PTPRT: variants seen among roughly 807,000 people sequenced by gnomAD.
The protein encoded by PTPRT is protein tyrosine phosphatase receptor type T.
Under a neutral mutation model 176.8 loss-of-function variants are expected in PTPRT, and 56 were observed. The ratio of observed to expected loss-of-function variants is 0.32; its 90% CI spans 0.26 to 0.40. The LOEUF (loss-of-function observed/expected upper bound fraction) is 0.40. Among genes scored for constraint, PTPRT ranks in the 10% least tolerant of loss-of-function variants. The pLI is 1.00. For synonymous variants in PTPRT, 783 were observed against 739.0 expected (o/e 1.06, Z -0.96); for missense variants, 1,540 against 1,908.2 (o/e 0.81, Z 3.60).
intron 4 of PTPRT, among the ~76,000 whole-genome samples, chr20:42,772,987 C>T (rs79949787): frequency 0.029 from 4,447 of 152,220 alleles, 129 homozygotes; most frequent in African/African-American, 0.078. Flanking sequence ...AAGACAGAAA[C>T]AAAATTCAAT....
intron 21 of PTPRT, among the ~76,000 whole-genome samples, chr20:42,117,106 T>C (rs1040789610): frequency 6.6e-6 from 1 of 152,158 alleles, no homozygotes; most frequent in East Asian, 1.9e-4. Context: ...TTTAGGTCTG[T>C]TTCCTCATCT....
chr20:42,358,153 T>A (rs1167623193), intron 9 of PTPRT, among the ~76,000 whole-genome samples: 1 of 150,596 alleles, frequency 6.6e-6, no homozygotes, highest in Non-Finnish European at 1.5e-5. Flanking sequence ...TTTTAATAAA[T>A]ATACCATGGC....
chr20:42,272,748 T>C (rs1046100069), intron 13 of PTPRT, among the ~76,000 whole-genome samples: 4 of 144,490 alleles, frequency 2.8e-5, no homozygotes, highest in Non-Finnish European at 4.6e-5. Flanking sequence ...CACACACACA[T>C]ACAGTGGGGC....
intron 15 of PTPRT, among the ~76,000 whole-genome samples, chr20:42,210,049 C>T (rs1406601114): frequency 1.3e-5 from 2 of 152,170 alleles, no homozygotes; most frequent in African/African-American, 4.8e-5. Context: ...ACAAAAACCA[C>T]ATGATTATTT....
intron 7 of PTPRT, among the ~76,000 whole-genome samples, chr20:42,475,586 G>A (rs1425194151): frequency 6.6e-6 from 1 of 152,210 alleles, no homozygotes; most frequent in Non-Finnish European, 1.5e-5. Context: ...GCCTTCATCA[G>A]AAGTCTGGGG....
At chr20:42,847,983 C>G (rs2078404709) in intron 2 of PTPRT, among the ~76,000 whole-genome samples, 1 of 152,086 alleles carries the variant, frequency 6.6e-6, no homozygotes, top group Non-Finnish European at 1.5e-5. Flanking sequence ...TCCCTCACCC[C>G]CCTCCCACCC....
At chr20:42,050,206 C>T in the PTPRT span, among the ~76,000 whole-genome samples, 3 of 152,090 alleles carry the variant, frequency 2.0e-5, no homozygotes, top group East Asian at 1.9e-4. Context: ...TCGTGGTCTC[C>T]GTAGGATGCA....
At chr20:42,068,835 A>T (rs1982194423), downstream of PTPRT, among the ~76,000 whole-genome samples, 1 of 152,182 alleles carries the variant, frequency 6.6e-6, no homozygotes, top group Admixed American at 6.5e-5. Flanking sequence ...GTGGGATGGG[A>T]TGGAGTCAGT....
At chr20:43,030,514 A>G (rs1429894942) in intron 1 of PTPRT, among the ~76,000 whole-genome samples, 1 of 152,236 alleles carries the variant, frequency 6.6e-6, no homozygotes, top group Non-Finnish European at 1.5e-5. Context: ...ACAAAAAAAA[A>G]AAAAAATGGC....
At chr20:42,589,203 T>C (rs370714573) in intron 7 of PTPRT, among the ~76,000 whole-genome samples, 2 of 152,276 alleles carry the variant, frequency 1.3e-5, no homozygotes, top group African/African-American at 4.8e-5. Context: ...ATCAGACTGG[T>C]TGGCACTCAA....
intron 1 of PTPRT, among the ~76,000 whole-genome samples, chr20:43,002,398 A>G (rs913177378): frequency 1.3e-5 from 2 of 152,222 alleles, no homozygotes; most frequent in African/African-American, 4.8e-5. Flanking sequence ...ATTAAAATCG[A>G]TATAAAAGCT....
intron 2 of PTPRT, among the ~76,000 whole-genome samples, chr20:42,882,819 A>G (rs1274277637): frequency 6.6e-6 from 1 of 152,254 alleles, no homozygotes; most frequent in Non-Finnish European, 1.5e-5. Flanking sequence ...TACTAAGGAC[A>G]AGTGCAAGGT....
chr20:43,181,417 A>G (rs982181800), intron 1 of PTPRT, among the ~76,000 whole-genome samples: 4 of 152,166 alleles, frequency 2.6e-5, no homozygotes, highest in Admixed American at 6.5e-5. Context: ...CAAGAAAGAA[A>G]CATGGACAGC....
intron 9 of PTPRT, among the ~76,000 whole-genome samples, chr20:42,446,850 G>A (rs2070742006): frequency 6.6e-6 from 1 of 152,108 alleles, no homozygotes; most frequent in South Asian, 2.1e-4. Flanking sequence ...GATGGGGATG[G>A]ATGTCTGTTT....
At chr20:42,486,079 G>T (rs982713628) in intron 7 of PTPRT, among the ~76,000 whole-genome samples, 5 of 152,166 alleles carry the variant, frequency 3.3e-5, no homozygotes, top group African/African-American at 1.2e-4. Flanking sequence ...ACTCACTTGC[G>T]AAGTACCTGC....
intron 7 of PTPRT, among the ~76,000 whole-genome samples, chr20:42,663,728 G>T (rs752757737): frequency 5.9e-5 from 9 of 152,138 alleles, no homozygotes; most frequent in Admixed American, 1.3e-4. Context: ...TCGTGGTTTT[G>T]TAGGCTCTTT....
At chr20:42,364,443 C>T (rs2058487004) in intron 9 of PTPRT, among the ~76,000 whole-genome samples, 2 of 152,180 alleles carry the variant, frequency 1.3e-5, no homozygotes, top group Non-Finnish European at 2.9e-5. Flanking sequence ...ATTGTATTCG[C>T]CCCTACTTAC....
At position 43,090,679 on chromosome 20, in the gene PTPRT, T is replaced by C. The variant is rs547635964; in HGVS notation, c.88+98967A>G. Among the ~76,000 whole-genome samples the C allele has an allele frequency of 1.4e-4, 21 of 152,036 alleles. No homozygotes were observed. The South Asian group carries it at 4.0e-3, about 29-fold the overall frequency. Reference sequence around the variant, plus strand: ...AAGGAAAAAATATCAATAGAAAAGCTGAAATAAAAAATTAAAGAAATTTCC... The same window carrying C: ...AAGGAAAAAATATCAATAGAAAAGCCGAAATAAAAAATTAAAGAAATTTCC... On this transcript the variant is annotated intron_variant, in intron 1 of 30. Transcript: ENST00000373187.
chr20:42,740,544 C>T (rs1052766667), intron 6 of PTPRT, among the ~76,000 whole-genome samples: 1 of 152,178 alleles, frequency 6.6e-6, no homozygotes, highest in Non-Finnish European at 1.5e-5. Flanking sequence ...CAGTGATGTC[C>T]CAGCCCAGGT....
Sources: allele counts gnomAD v4.1 joint callset (sites outside exome capture counted in the v4.1 genomes callset), GRCh38; gene constraint gnomAD v4.1.1; transcripts MANE v1.5; gene names NCBI Gene and HGNC (gene_info 2026-07-23, HGNC 2026-07-21).